Variants in GAS2 observed in about 807,000 individuals in gnomAD.
GAS2 encodes the protein growth arrest specific 2.
GAS2 carries 20 observed loss-of-function variants against 37.5 expected under a neutral mutation model. The ratio of observed to expected loss-of-function variants is 0.53; its 90% CI spans 0.37 to 0.77. GAS2 has a LOEUF of 0.77. Among genes scored for constraint, GAS2 ranks in the 30% least tolerant of loss-of-function variants. The pLI is 0.00. For missense variants in GAS2, 336 were observed against 373.4 expected (o/e 0.90, Z 0.82); for synonymous variants, 144 against 132.2 (o/e 1.09, Z -0.61).
chr11:22,631,364 C>T (rs189527689), intron 1 of GAS2, among the ~76,000 whole-genome samples: 191 of 152,070 alleles, frequency 1.3e-3, no homozygotes, highest in Non-Finnish European at 2.3e-3. Context: ...CTAGGACTTC[C>T]GATGCTGTGT....
At chr11:22,799,125 T>A (rs969277070) in intron 7 of GAS2, among the ~76,000 whole-genome samples, 2 of 152,024 alleles carry the variant, frequency 1.3e-5, no homozygotes, top group Admixed American at 1.3e-4. Context: ...TTTAGGTGGG[T>A]TGTCTCTACT....
chr11:22,746,317 A>G (rs139020069), intron 5 of GAS2, among the ~76,000 whole-genome samples: 21 of 152,298 alleles, frequency 1.4e-4, no homozygotes, highest in Admixed American at 9.2e-4. Flanking sequence ...GATTTTGTGA[A>G]GAGCTGAGAA....
chr11:22,653,729 A>G (rs1848823911), intron 1 of GAS2, among the ~76,000 whole-genome samples: 2 of 151,980 alleles, frequency 1.3e-5, no homozygotes, highest in South Asian at 2.1e-4. Flanking sequence ...GATTGAGACA[A>G]TAGGTGTGGC....
At chr11:22,753,722 T>C (rs537927290) in intron 6 of GAS2, among the ~76,000 whole-genome samples, 5 of 152,246 alleles carry the variant, frequency 3.3e-5, no homozygotes, top group South Asian at 4.1e-4. Flanking sequence ...GAAGCCCTTA[T>C]TTGTGGTGAT....
chr11:22,637,086 T>C (rs978498753), intron 1 of GAS2, among the ~76,000 whole-genome samples: 272 of 131,388 alleles, frequency 2.1e-3, no homozygotes, highest in Non-Finnish European at 3.2e-3. Context: ...ATTAATATAA[T>C]AAGTAATATT....
intron 6 of GAS2, among the ~76,000 whole-genome samples, chr11:22,750,112 A>G (rs1853648513): frequency 6.6e-6 from 1 of 152,022 alleles, no homozygotes; most frequent in African/African-American, 2.4e-5. Flanking sequence ...TATTAATTTT[A>G]TAGAAAATGG....
At chr11:22,766,681 C>G (rs1393411625) in intron 7 of GAS2, among the ~76,000 whole-genome samples, 4 of 152,090 alleles carry the variant, frequency 2.6e-5, no homozygotes, top group Non-Finnish European at 4.4e-5. Flanking sequence ...AACTAGAAAA[C>G]CCAACAAAAA....
chr11:22,785,982 A>C (rs769831649), intron 7 of GAS2, among the ~76,000 whole-genome samples: 30 of 152,156 alleles, frequency 2.0e-4, no homozygotes, highest in Non-Finnish European at 3.8e-4. Flanking sequence ...AATTCAAGGC[A>C]TACTTCTTGG....
chr11:22,694,422 C>G (rs1337272777), intron 3 of GAS2, among the ~76,000 whole-genome samples: 2 of 152,154 alleles, frequency 1.3e-5, no homozygotes, highest in Non-Finnish European at 2.9e-5. Flanking sequence ...CTGAGACTTT[C>G]TGAAGAATAA....
chr11:22,638,326 A>C (rs1858865928), intron 1 of GAS2, among the ~76,000 whole-genome samples: 1 of 151,876 alleles, frequency 6.6e-6, no homozygotes, highest in Non-Finnish European at 1.5e-5. Context: ...ATTGGATCTA[A>C]GTTTTGTTGT....
chr11:22,807,208 G>T (rs189759412), intron 7 of GAS2, among the ~76,000 whole-genome samples: 23 of 152,234 alleles, frequency 1.5e-4, no homozygotes, highest in African/African-American at 5.3e-4. Context: ...CACTGACTAG[G>T]TCCATAGAGA....
intron 4 of GAS2, among the ~76,000 whole-genome samples, chr11:22,728,393 C>T (rs1185747070): frequency 6.6e-6 from 1 of 151,784 alleles, no homozygotes; most frequent in African/African-American, 2.4e-5. Context: ...AAGTTTAAAG[C>T]AACTTATATA....
At chr11:22,659,324 T>C (rs1848891167) in intron 1 of GAS2, among the ~76,000 whole-genome samples, 1 of 152,200 alleles carries the variant, frequency 6.6e-6, no homozygotes, top group East Asian at 1.9e-4. Context: ...GTCAGCTTAT[T>C]ATTAAAAATA....
At chr11:22,734,802 C>A (rs1463332884) in intron 4 of GAS2, among the ~76,000 whole-genome samples, 1 of 151,708 alleles carries the variant, frequency 6.6e-6, no homozygotes, top group East Asian at 1.9e-4. Flanking sequence ...CTCATACTCA[C>A]ACCCAGATCT....
intron 4 of GAS2, among the ~76,000 whole-genome samples, chr11:22,737,330 TG>T (rs1302144633): frequency 6.6e-6 from 1 of 152,200 alleles, no homozygotes; most frequent in African/African-American, 2.4e-5. Context: ...AGTTGTGATT[TG>T]TGTTTTTAAA....
intron 1 of GAS2, among the ~76,000 whole-genome samples, chr11:22,652,504 G>T (rs1485998495): frequency 6.6e-6 from 1 of 152,216 alleles, no homozygotes; most frequent in Non-Finnish European, 1.5e-5. Flanking sequence ...GCAATGGCGG[G>T]CGCCCCTTCC....
intron 7 of GAS2, among the ~76,000 whole-genome samples, chr11:22,787,542 A>G (rs1407240806): frequency 1.3e-5 from 2 of 151,890 alleles, no homozygotes; most frequent in Non-Finnish European, 2.9e-5. Context: ...ACAGAGAAAC[A>G]TATGTGCTGG....
chr11:22,762,370 G>T (rs952575224), intron 7 of GAS2, among the ~76,000 whole-genome samples: 3 of 151,942 alleles, frequency 2.0e-5, no homozygotes, highest in Non-Finnish European at 1.5e-5. Flanking sequence ...ATACAACTTG[G>T]AAATTGTTTT....
intron 5 of GAS2, 100 bp downstream of exon 5, chr11:22,737,868 T>G: frequency 9.6e-7 from 1 of 1,045,884 alleles, no homozygotes; most frequent in Non-Finnish European, 1.5e-6. Flanking sequence ...TTAACCTGGA[T>G]GTTGAGAAGC....
Sources: gnomAD v4.1 joint callset for allele counts (sites outside exome capture counted in the v4.1 genomes callset) on GRCh38, gnomAD v4.1.1 for gene constraint, MANE v1.5 for transcripts, NCBI Gene and HGNC (gene_info 2026-07-23, HGNC 2026-07-21) for gene names.